PIBF1: variants seen among roughly 807,000 people sequenced by gnomAD.
The protein encoded by PIBF1 is progesterone immunomodulatory binding factor 1.
In PIBF1, 90 loss-of-function variants were observed where a neutral mutation model predicts 112.5. That is an observed-to-expected ratio of 0.80 (90% CI 0.67 to 0.95). The LOEUF (loss-of-function observed/expected upper bound fraction) is 0.95. Among genes scored for constraint, PIBF1 ranks in the 40% least tolerant of loss-of-function variants. The pLI is 0.00. For missense variants in PIBF1, 915 were observed against 852.3 expected (o/e 1.07, Z -0.92); for synonymous variants, 301 against 288.6 (o/e 1.04, Z -0.44).
At chr13:72,917,770 C>G (rs1355227459) in intron 13 of PIBF1, among the ~76,000 whole-genome samples, 1 of 152,056 alleles carries the variant, frequency 6.6e-6, no homozygotes, top group African/African-American at 2.4e-5. Context: ...GAGTATGTGC[C>G]GACTTTTTTT....
intron 10 of PIBF1, among the ~76,000 whole-genome samples, chr13:72,891,859 A>G (rs910533249): frequency 6.6e-6 from 1 of 152,186 alleles, no homozygotes; most frequent in South Asian, 2.1e-4. Flanking sequence ...TAAACATTTG[A>G]ATGTTATTCG....
chr13:72,996,285 T>G (rs1244912895), intron 16 of PIBF1, among the ~76,000 whole-genome samples: 1 of 135,476 alleles, frequency 7.4e-6, no homozygotes, highest in Non-Finnish European at 1.6e-5. Flanking sequence ...AAAAAAAAAC[T>G]GCTCAACTTC....
At chr13:72,927,053 A>T (rs2041507676) in intron 13 of PIBF1, among the ~76,000 whole-genome samples, 2 of 152,022 alleles carry the variant, frequency 1.3e-5, no homozygotes, top group South Asian at 4.1e-4. Context: ...CCAAGAAAAA[A>T]TAGTAATTTC....
intron 16 of PIBF1, among the ~76,000 whole-genome samples, chr13:72,987,278 G>A (rs1485908015): frequency 2.0e-5 from 3 of 151,840 alleles, no homozygotes; most frequent in African/African-American, 4.8e-5. Flanking sequence ...TAGATGCTAT[G>A]AGGAGACACA....
chr13:72,835,236 C>A lies in PIBF1; in HGVS notation c.1098-7C>A. On this transcript the variant is annotated splice_region_variant and splice_polypyrimidine_tract_variant and intron_variant, in intron 8 of 17. Coordinates refer to ENST00000326291, the MANE Select transcript of PIBF1 (RefSeq NM_006346.4). ...AATTTATGGTTGTTCCTTTTCACTCCTTGCAGAGACCATTATAAAACAGAA... is the reference window on the plus strand; with the variant it reads ...AATTTATGGTTGTTCCTTTTCACTCATTGCAGAGACCATTATAAAACAGAA... 2 of 1,542,620 alleles carry A rather than the reference C, an allele frequency of 1.3e-6. No homozygotes were observed. Among genetic ancestry groups the A allele is most frequent in the Non-Finnish European group, 1.7e-6 (2 of 1,152,176 alleles).
intron 10 of PIBF1, among the ~76,000 whole-genome samples, chr13:72,869,819 A>C (rs940687491): frequency 3.3e-5 from 5 of 151,906 alleles, no homozygotes; most frequent in Non-Finnish European, 7.4e-5. Flanking sequence ...ACACACACAC[A>C]CATATATATA....
chr13:72,844,608 G>A (rs1248232628), intron 9 of PIBF1, among the ~76,000 whole-genome samples: 1 of 151,838 alleles, frequency 6.6e-6, no homozygotes, highest in African/African-American at 2.4e-5. Flanking sequence ...CTGTTCCTGT[G>A]TTAGTTTGCT....
At chr13:72,983,342 A>C (rs147374219) in intron 16 of PIBF1, among the ~76,000 whole-genome samples, 1 of 152,164 alleles carries the variant, frequency 6.6e-6, no homozygotes, top group Non-Finnish European at 1.5e-5. Flanking sequence ...GATATCTTCT[A>C]TCCTCTCATT....
At chr13:72,871,400 G>A (rs1375703812) in intron 10 of PIBF1, among the ~76,000 whole-genome samples, 1 of 151,992 alleles carries the variant, frequency 6.6e-6, no homozygotes, top group Admixed American at 6.6e-5. Context: ...CCACCTCCCG[G>A]GTTCGAGCAA....
chr13:72,786,831 A>T (rs1022553938), intron 2 of PIBF1, among the ~76,000 whole-genome samples: 3 of 152,166 alleles, frequency 2.0e-5, no homozygotes, highest in African/African-American at 7.2e-5. Context: ...TAGGAATAAG[A>T]TGTTTGCTCT....
intron 2 of PIBF1, among the ~76,000 whole-genome samples, chr13:72,790,113 C>T (rs952080189): frequency 3.9e-5 from 6 of 152,064 alleles, no homozygotes; most frequent in Non-Finnish European, 2.9e-5. Flanking sequence ...TAGCCCATCA[C>T]CATTTTTTAA....
chr13:72,874,030 A>G (rs2039288552), intron 10 of PIBF1, among the ~76,000 whole-genome samples: 1 of 152,222 alleles, frequency 6.6e-6, no homozygotes, highest in South Asian at 2.1e-4. Context: ...AATGGAAATT[A>G]TACCAAAATT....
chr13:72,969,970 T>G (rs1232507422), intron 15 of PIBF1, among the ~76,000 whole-genome samples: 1 of 152,130 alleles, frequency 6.6e-6, no homozygotes, highest in Non-Finnish European at 1.5e-5. Flanking sequence ...AACAGGAAAA[T>G]TCCTATTCCT....
intron 14 of PIBF1, among the ~76,000 whole-genome samples, chr13:72,947,333 C>T (rs555458215): frequency 5.9e-5 from 9 of 152,216 alleles, no homozygotes; most frequent in Non-Finnish European, 2.9e-5. Flanking sequence ...CACCATGTCC[C>T]GAAGCTGCAT....
chr13:72,829,209 T>G (rs897573353), intron 8 of PIBF1, among the ~76,000 whole-genome samples: 2 of 152,210 alleles, frequency 1.3e-5, no homozygotes, highest in African/African-American at 2.4e-5. Context: ...TTGCAAAAAT[T>G]TTCTCCTGTT....
At chr13:73,011,990 T>C (rs1049004595) in intron 17 of PIBF1, among the ~76,000 whole-genome samples, 1 of 151,974 alleles carries the variant, frequency 6.6e-6, no homozygotes, top group Non-Finnish European at 1.5e-5. Flanking sequence ...AGCAGAAAGA[T>C]GAAAATCCTA....
chr13:72,865,291 G>A (rs2038877608), intron 10 of PIBF1, among the ~76,000 whole-genome samples: 1 of 152,094 alleles, frequency 6.6e-6, no homozygotes, highest in Non-Finnish European at 1.5e-5. Flanking sequence ...GCAGTAGTAT[G>A]TTTTCTGTAA....
At chr13:72,838,933 G>A (rs1220405729) in intron 9 of PIBF1, among the ~76,000 whole-genome samples, 7 of 152,154 alleles carry the variant, frequency 4.6e-5, no homozygotes, top group Admixed American at 6.6e-5. Flanking sequence ...AAACTAATTC[G>A]GTATGGCTGA....
At chr13:72,818,352 G>A (rs536827996) in intron 5 of PIBF1, among the ~76,000 whole-genome samples, 2 of 152,160 alleles carry the variant, frequency 1.3e-5, no homozygotes, top group East Asian at 3.9e-4. Context: ...CACTTCAGCT[G>A]CTACCTAGGT....
Sources: allele counts gnomAD v4.1 joint callset (sites outside exome capture counted in the v4.1 genomes callset), GRCh38; gene constraint gnomAD v4.1.1; transcripts MANE v1.5; gene names NCBI Gene and HGNC (gene_info 2026-07-23, HGNC 2026-07-21).